The following JAKMIP1 variants were observed in gnomAD, a reference collection of about 807,000 sequenced individuals.
The protein encoded by JAKMIP1 is janus kinase and microtubule interacting protein 1, also known as janus kinase and microtubule-interacting protein 1.
In JAKMIP1, 33 loss-of-function variants were observed where a neutral mutation model predicts 113.0. The ratio of observed to expected loss-of-function variants is 0.29; its 90% CI spans 0.22 to 0.39. The LOEUF is 0.39. Among genes scored for constraint, JAKMIP1 ranks in the 10% least tolerant of loss-of-function variants. The pLI is 1.00. For missense variants in JAKMIP1, 813 were observed against 1,080.5 expected, an observed-to-expected ratio of 0.75 and a Z score of 3.47; for synonymous variants, 480 against 459.9, an observed-to-expected ratio of 1.04 and a Z score of -0.56.
At chr4:6,170,299 C>G (rs114186108) in intron 1 of JAKMIP1, among the ~76,000 whole-genome samples, 4 of 143,812 alleles carry the variant, frequency 2.8e-5, no homozygotes, top group Admixed American at 2.1e-4. Flanking sequence ...TCACTGTCAA[C>G]ACCATCATAA....
chr4:6,085,033 C>T, intron 4 of JAKMIP1, 68 bp from the exon 5 acceptor site: 1 of 1,489,722 alleles, frequency 6.7e-7, no homozygotes, highest in Non-Finnish European at 8.9e-7. Context: ...TTGTGTGGAG[C>T]CTTCTTAGAA....
At chr4:6,130,360 T>G (rs1718328366) in intron 1 of JAKMIP1, among the ~76,000 whole-genome samples, 1 of 152,120 alleles carries the variant, frequency 6.6e-6, no homozygotes, top group Non-Finnish European at 1.5e-5. Context: ...ACAACTGAGG[T>G]CATAGGACAA....
chr4:6,118,850 G>A (rs1716255396), intron 1 of JAKMIP1, among the ~76,000 whole-genome samples: 1 of 152,214 alleles, frequency 6.6e-6, no homozygotes, highest in African/African-American at 2.4e-5. Flanking sequence ...CCCAGAACCT[G>A]CAGATGTACC....
chr4:6,131,145 G>A (rs1182224176), intron 1 of JAKMIP1, among the ~76,000 whole-genome samples: 2 of 95,220 alleles, frequency 2.1e-5, no homozygotes, highest in African/African-American at 7.6e-5. Flanking sequence ...CTGGATGACA[G>A]AGTAAGACCT....
At chr4:6,056,610 G>A (rs369395437) in intron 12 of JAKMIP1, 87 bp downstream of exon 12, 75 of 987,312 alleles carry the variant, frequency 7.6e-5, no homozygotes, top group South Asian at 1.2e-4. Flanking sequence ...CCCAAATGGC[G>A]CTGGGCACGA....
intron 11 of JAKMIP1, 122 bp downstream of exon 11, chr4:6,060,302 G>A (rs561723078): frequency 3.6e-4 from 272 of 754,410 alleles, no homozygotes; most frequent in African/African-American, 3.4e-3. Context: ...TTCCTCTAGC[G>A]TCTCTGGAGC....
Position 6,176,455 on chromosome 4 carries a change from T to G in JAKMIP1, c.-148+23798A>C, listed in dbSNP as rs1019224674. On this transcript the variant is annotated intron_variant, in intron 1 of 20. Transcript: ENST00000409021. The surrounding 1 kb of genome is among the most constrained non-coding windows in gnomAD (Gnocchi z 5.5). Reference sequence around the variant, plus strand: ...CAAGGAAGGATTTCCGATGTTCAGCTGTATTGTACATTTTAATCTATTTAC... The same window carrying G: ...CAAGGAAGGATTTCCGATGTTCAGCGGTATTGTACATTTTAATCTATTTAC... 1.3e-5 allele frequency among the ~76,000 whole-genome samples: 2 copies of G among 152,222 alleles called. No homozygotes were observed. Among genetic ancestry groups the G allele is most frequent in the African/African-American group, 4.8e-5 (2 of 41,466 alleles).
In JAKMIP1 at chr4:6,142,088, G is replaced by T. The variant is rs1371929129; in HGVS notation, c.-147-29091C>A. ...TTTTTACTTAAACTCATGTCTATCA[G>T]TCATTTTCTAGCTTGTCTTTTCCTC... On this transcript the variant is annotated intron_variant, in intron 1 of 20. Transcript: ENST00000409021. This position sits in a 1 kb window ranked among gnomAD's most constrained non-coding sequence, Gnocchi z 5.5. Among the ~76,000 whole-genome samples the T allele has an allele frequency of 7.0e-6, 1 of 142,926 alleles. No homozygotes were observed. The highest frequency in any genetic ancestry group is 1.5e-5 in the Non-Finnish European group (1 of 67,008). The allele number at this position is 142,926 out of a possible 152,430, so 93.8% of individuals were successfully genotyped here.
At position 6,188,630 on chromosome 4, in the gene JAKMIP1, A is replaced by G. The variant is rs1356466544; in HGVS notation, c.-148+11623T>C. Among the ~76,000 whole-genome samples, 1 of 152,214 alleles carries G rather than the reference A, an allele frequency of 6.6e-6. No homozygotes were observed. The highest frequency in any genetic ancestry group is 2.4e-5 in the African/African-American group (1 of 41,462). ...TCGTGAAATTCCAAATTAGCAACTT[A>G]TTAATCTGGGGCACCTGAGGTTTGG... On this transcript the variant is annotated intron_variant, in intron 1 of 20. Coordinates refer to ENST00000409021, the MANE Select transcript of JAKMIP1 (RefSeq NM_001099433.2). This position sits in a 1 kb window ranked among gnomAD's most constrained non-coding sequence, Gnocchi z 5.8.
At chr4:6,152,789 AATATATATATATATATATATAC>A (rs755506728) in intron 1 of JAKMIP1, among the ~76,000 whole-genome samples, 2,199 of 135,274 alleles carry the variant, frequency 0.016, 55 homozygotes, top group Non-Finnish European at 0.023. Flanking sequence ...TAAAAATACA[AATATATATATATATATATATAC>A]ATATATATAT....
chr4:6,060,559 G>T (rs1717127075), intron 10 of JAKMIP1, 52 bp from the exon 11 acceptor site: 1 of 1,377,794 alleles, frequency 7.3e-7, no homozygotes. Context: ...TGGGTGACAG[G>T]GAAGCGGAAA....
At chr4:6,036,318 A>G (rs973147397) in intron 18 of JAKMIP1, among the ~76,000 whole-genome samples, 64 of 152,312 alleles carry the variant, frequency 4.2e-4, no homozygotes, top group African/African-American at 1.5e-3. Context: ...TTTTTACTCT[A>G]TTCAACCCAG....
chr4:6,132,304 C>T (rs905899239), intron 1 of JAKMIP1, among the ~76,000 whole-genome samples: 6 of 152,072 alleles, frequency 3.9e-5, no homozygotes, highest in Non-Finnish European at 5.9e-5. Context: ...TTAAAAAGTA[C>T]ACTTGATATG....
In JAKMIP1 at chr4:6,086,038, C is replaced by G. The variant is rs535084791; in HGVS notation, c.625-409G>C. Among the ~76,000 whole-genome samples, 3 of 152,050 alleles carry G rather than the reference C, an allele frequency of 2.0e-5. No homozygotes were observed. Among genetic ancestry groups the G allele is most frequent in the Admixed American group, 6.5e-5 (1 of 15,268 alleles). ...CCTCTCAGTCATTGACCCTCTCCTG[C>G]CTGGCCACAACTCCCCAACCCTCAC... On this transcript the variant is annotated intron_variant, in intron 3 of 20. Transcript: ENST00000409021. This position sits in a 1 kb window ranked among gnomAD's most constrained non-coding sequence, Gnocchi z 4.1.
chr4:6,172,014 C>A (rs1243467491), intron 1 of JAKMIP1, among the ~76,000 whole-genome samples: 10 of 149,750 alleles, frequency 6.7e-5, no homozygotes, highest in Non-Finnish European at 1.2e-4. Flanking sequence ...CCCACAAGCT[C>A]CCCCACGTGA....
In JAKMIP1 at chr4:6,084,984, A is replaced by AAAG; in HGVS notation, c.835-20_835-19insCTT. ...GTTGATCCTAAAAAAAAAAAAAAAA[A>AAAG]AAAAAAAAAAGTCAAGACGTAAATG... is the stretch of plus-strand genomic sequence containing the variant. On this transcript the variant is annotated intron_variant, in intron 4 of 20. Coordinates refer to ENST00000409021, the MANE Select transcript of JAKMIP1 (RefSeq NM_001099433.2). The AAAG allele has an allele frequency of 6.5e-7, 1 of 1,549,766 alleles. No individual in the cohort carries two copies. The highest frequency in any genetic ancestry group is 8.6e-7 in the Non-Finnish European group (1 of 1,156,566).
rs571776088 is a variant in JAKMIP1 at position 6,156,683 on chromosome 4, G to A, written c.-148+43570C>T. Among the ~76,000 whole-genome samples the A allele has an allele frequency of 1.2e-4, 19 of 152,064 alleles. No individual in the cohort carries two copies. Among genetic ancestry groups the A allele is most frequent in the Non-Finnish European group, 2.6e-4 (18 of 68,026 alleles). On this transcript the variant is annotated intron_variant, in intron 1 of 20. Transcript: ENST00000409021. This position sits in a 1 kb window ranked among gnomAD's most constrained non-coding sequence, Gnocchi z 5.0. ...TCTGACAGCATCCGCTGAGATGTGG[G>A]AGCTAAAATATCTCCTTCATTGAAG...
chr4:6,165,437 C>T (rs1723507309), intron 1 of JAKMIP1, among the ~76,000 whole-genome samples: 2 of 152,088 alleles, frequency 1.3e-5, no homozygotes, highest in South Asian at 4.1e-4. Context: ...CTAGCTGCTA[C>T]CAAGCGGTAG....
Position 6,181,328 on chromosome 4 carries a change from G to A in JAKMIP1, c.-148+18925C>T, listed in dbSNP as rs192676072. ...TGAGAGAGGAAGAGACCAGGGGCTCGAAGAGTAACACTAATTACAGGCCTG... is the reference window on the plus strand; with the variant it reads ...TGAGAGAGGAAGAGACCAGGGGCTCAAAGAGTAACACTAATTACAGGCCTG... On this transcript the variant is annotated intron_variant, in intron 1 of 20. Transcript: ENST00000409021. The surrounding 1 kb of genome is among the most constrained non-coding windows in gnomAD (Gnocchi z 5.4). 1.4e-4 allele frequency among the ~76,000 whole-genome samples: 22 copies of A among 152,144 alleles called. No individual in the cohort carries two copies. The highest frequency in any genetic ancestry group is 2.5e-4 in the Non-Finnish European group (17 of 68,020).
Sources: allele counts gnomAD v4.1 joint callset (sites outside exome capture counted in the v4.1 genomes callset), GRCh38; gene constraint gnomAD v4.1.1; non-coding constraint Gnocchi (gnomAD v3.1); transcripts MANE v1.5; gene names NCBI Gene and HGNC (gene_info 2026-07-23, HGNC 2026-07-21).